The following ATN1 variants were observed in gnomAD, a reference collection of about 807,000 sequenced individuals.
ATN1 encodes the protein atrophin-1.
Under a neutral mutation model 85.8 loss-of-function variants are expected in ATN1, and 19 were observed. The ratio of observed to expected loss-of-function variants is 0.22; its 90% CI spans 0.15 to 0.32. The LOEUF (loss-of-function observed/expected upper bound fraction) is 0.32, where lower values mean the gene tolerates loss of function less well. Among genes scored for constraint, ATN1 ranks in the 10% least tolerant of loss-of-function variants. The probability of loss-of-function intolerance (pLI) is 1.00; values close to 1 mark genes in which losing one functional copy is unlikely to be tolerated. For synonymous variants in ATN1, 674 were observed against 657.0 expected (o/e 1.03, Z -0.39); for missense variants, 1,453 against 1,564.5 (o/e 0.93, Z 1.20).
At position 6,933,988 on chromosome 12, in the gene ATN1, C is replaced by T; in HGVS notation, c.-14C>T. 1 of 1,601,398 alleles carries T rather than the reference C, an allele frequency of 6.2e-7. No individual in the cohort carries two copies. Among genetic ancestry groups the T allele is most frequent in the Non-Finnish European group, 8.5e-7 (1 of 1,174,034 alleles). On this transcript the variant is annotated 5_prime_UTR_variant, in exon 2 of 10. Coordinates refer to ENST00000396684, the MANE Select transcript of ATN1 (RefSeq NM_001940.4). Reference sequence around the variant, plus strand: ...GCCCAGGCAGAGGAGAATGGGGTCTCCACAGCCTGAAGAATGAAGACACGA... The same window carrying T: ...GCCCAGGCAGAGGAGAATGGGGTCTTCACAGCCTGAAGAATGAAGACACGA...
rs1945421514 is a variant in ATN1, at chr12:6,928,298, G to A, written c.-249G>A. 6.7e-6 allele frequency: 1 copy of A among 149,554 alleles called. No individual in the cohort carries two copies. Among genetic ancestry groups the A allele is most frequent in the Non-Finnish European group, 1.5e-5 (1 of 66,882 alleles). The allele number at this position is 149,554 out of a possible 1,614,324, so 9.3% of individuals were successfully genotyped here. ...CTGAGGCCGAGAAGAGGAGAGGGGGGCGGGGGAGCTGCCGCCGCCGCCCCC... is the reference window on the plus strand; with the variant it reads ...CTGAGGCCGAGAAGAGGAGAGGGGGACGGGGGAGCTGCCGCCGCCGCCCCC... On this transcript the variant is annotated 5_prime_UTR_variant, in exon 1 of 10. Coordinates refer to ENST00000396684, the MANE Select transcript of ATN1 (RefSeq NM_001940.4).
upstream of ATN1, among the ~76,000 whole-genome samples, chr12:6,926,819 G>A (rs782094107): frequency 2.0e-5 from 3 of 151,722 alleles, no homozygotes; most frequent in Non-Finnish European, 4.4e-5. Flanking sequence ...CCATACTGCC[G>A]CCAGCCATAG....
chr12:6,935,866 C>T lies in ATN1; in HGVS notation c.599C>T (p.Pro200Leu). 1 of 1,613,834 alleles carries T rather than the reference C, an allele frequency of 6.2e-7. No homozygotes were observed. Among genetic ancestry groups the T allele is most frequent in the Non-Finnish European group, 8.5e-7 (1 of 1,179,792 alleles). The change falls in exon 5 of 10, where the codon CCC (proline) becomes CTC (leucine). Residue 200 changes from proline to leucine, a missense_variant. This residue lies in a region of ATN1 where 990 missense variants were observed against 914.8 expected (regional missense o/e 1.08). Transcript: ENST00000396684. This position sits in a 1 kb window ranked among gnomAD's most constrained non-coding sequence, Gnocchi z 5.3. ...TPTGYHAPME[P>L]PTSRMFQAPP... is the part of the protein sequence containing the mutation. ...ACTGGATATCATGCTCCCATGGAGC[C>T]CCCCACATCTCGAATGTTCCAGGCT...
At position 6,938,924 on chromosome 12, in the gene ATN1, C is replaced by A; in HGVS notation, c.2961C>A (p.His987Gln). The change falls in exon 7 of 10, where the codon CAC becomes CAA. Residue 987 changes from histidine to glutamine, a missense_variant. Transcript: ENST00000396684. ...TGCAGCCTGGCCCACCTGGCCTGCA[C>A]CCTTTCCCCTTTCATCCGAGCCTGG... ...LALQPGPPGLHPFPFHPSLGP... is the reference protein window; with the variant it reads ...LALQPGPPGLQPFPFHPSLGP... The A allele has an allele frequency of 6.2e-7, 1 of 1,614,046 alleles. No homozygotes were observed. Among genetic ancestry groups the A allele is most frequent in the Non-Finnish European group, 8.5e-7 (1 of 1,180,024 alleles).
Position 6,941,320 on chromosome 12 carries a change from G to T in ATN1, c.3359-54G>T. 6.5e-7 allele frequency: 1 copy of T among 1,535,634 alleles called. No individual in the cohort carries two copies. Reference sequence around the variant, plus strand: ...AAGGAGCTGGCTATCCCCTGGTCCAGAGCAGGTACTTGTTATCCGTTGGTC... The same window carrying T: ...AAGGAGCTGGCTATCCCCTGGTCCATAGCAGGTACTTGTTATCCGTTGGTC... On this transcript the variant is annotated intron_variant, in intron 8 of 9. Coordinates refer to ENST00000396684, the MANE Select transcript of ATN1 (RefSeq NM_001940.4). The surrounding 1 kb of genome is among the most constrained non-coding windows in gnomAD (Gnocchi z 5.9).
rs1036702397 is a variant in ATN1 at position 6,934,863 on chromosome 12, C to T, written c.279+285C>T. On this transcript the variant is annotated intron_variant, in intron 4 of 9. Transcript: ENST00000396684. The surrounding 1 kb of genome is among the most constrained non-coding windows in gnomAD (Gnocchi z 4.5). Reference sequence around the variant, plus strand: ...GAACAAATAAATCTTAAGGAAAATGCAGAAGTGGTCTTTCTTTTTTATTGT... The same window carrying T: ...GAACAAATAAATCTTAAGGAAAATGTAGAAGTGGTCTTTCTTTTTTATTGT... 2.0e-5 allele frequency among the ~76,000 whole-genome samples: 3 copies of T among 152,108 alleles called. No homozygotes were observed. Among genetic ancestry groups the T allele is most frequent in the African/African-American group, 4.8e-5 (2 of 41,428 alleles).
At chr12:6,928,658 T>G (rs1945427130) in intron 1 of ATN1, among the ~76,000 whole-genome samples, 2 of 151,904 alleles carry the variant, frequency 1.3e-5, no homozygotes, top group Non-Finnish European at 2.9e-5. Context: ...AGGAGGCCTG[T>G]GGGGCCAGAG....
upstream of ATN1, among the ~76,000 whole-genome samples, chr12:6,925,841 A>G (rs782768225): frequency 1.3e-5 from 2 of 152,364 alleles, no homozygotes; most frequent in East Asian, 3.9e-4. Flanking sequence ...CTTAGCCTCC[A>G]GCAAGACTGG....
Position 6,936,511 on chromosome 12 carries a change from C to T in ATN1, c.1244C>T (p.Pro415Leu), listed in dbSNP as rs782540175. Residue 415 changes from proline to leucine, a missense_variant, in exon 5 of 10, where the codon CCA becomes CTA. This residue lies in a region of ATN1 where 990 missense variants were observed against 914.8 expected (regional missense o/e 1.08). Coordinates refer to ENST00000396684, the MANE Select transcript of ATN1 (RefSeq NM_001940.4). Reference sequence around the variant, plus strand: ...AGCTACCCCCACTCTTTCCCTCCCCCAACAAGCCTCTCTGTCTCCAATCAG... The same window carrying T: ...AGCTACCCCCACTCTTTCCCTCCCCTAACAAGCCTCTCTGTCTCCAATCAG... Reference protein sequence around the residue: ...LPSYPHSFPPPTSLSVSNQPP... With the variant: ...LPSYPHSFPPLTSLSVSNQPP... 1.2e-5 allele frequency: 19 copies of T among 1,604,704 alleles called. No homozygotes were observed. In the South Asian group the frequency reaches 1.5e-4, roughly 13 times the overall value.
At chr12:6,932,397 G>A (rs932268971) in intron 1 of ATN1, among the ~76,000 whole-genome samples, 7 of 152,182 alleles carry the variant, frequency 4.6e-5, no homozygotes, top group South Asian at 4.1e-4. Flanking sequence ...ATCACAAGAA[G>A]AGCGCACACA....
upstream of ATN1, among the ~76,000 whole-genome samples, chr12:6,925,664 C>T (rs1555142522): frequency 6.6e-6 from 1 of 152,180 alleles, no homozygotes; most frequent in Non-Finnish European, 1.5e-5. Flanking sequence ...TGTTCCTGCG[C>T]CCAGTTCCCC....
rs782184311 is a variant in ATN1, at chr12:6,941,480, G to A, written c.3465G>A (p.Leu1155=). The A allele has an allele frequency of 3.6e-5, 58 of 1,612,854 alleles. No homozygotes were observed. The highest frequency in any genetic ancestry group is 4.7e-5 in the Non-Finnish European group (55 of 1,179,966). Residue 1155 remains leucine, a synonymous_variant, in exon 9 of 10, where the codon CTG becomes CTA. Coordinates refer to ENST00000396684, the MANE Select transcript of ATN1 (RefSeq NM_001940.4). The surrounding 1 kb of genome is among the most constrained non-coding windows in gnomAD (Gnocchi z 5.9). ...AQSAELQRLA[L]EQQQWLHAHH... ...CAGCTGAGCTGCAGCGCTTGGCGCT[G>A]GAACAGCAGCAGTGGCTGCATGCCC...
upstream of ATN1, among the ~76,000 whole-genome samples, chr12:6,925,117 C>CGTGTGTGTGTGTGTGTGTGTGT (rs376981297): frequency 6.3e-5 from 9 of 143,818 alleles, no homozygotes; most frequent in African/African-American, 2.4e-4. Context: ...TGTGCGTGTG[C>CGTGTGTGTGTGTGTGTGTGTGT]GTGTGTGTGT....
intron 1 of ATN1, among the ~76,000 whole-genome samples, chr12:6,929,108 G>A (rs1945432163): frequency 6.6e-6 from 1 of 152,150 alleles, no homozygotes; most frequent in Admixed American, 6.5e-5. Flanking sequence ...TCTTGGAGAG[G>A]GCACTGGGGC....
At chr12:6,939,858 C>T (rs1555144428) in intron 7 of ATN1, among the ~76,000 whole-genome samples, 1 of 152,168 alleles carries the variant, frequency 6.6e-6, no homozygotes, top group African/African-American at 2.4e-5. Flanking sequence ...CCATTTTCTC[C>T]TCTTCTCCCT....
In ATN1 at chr12:6,938,536, C is replaced by T; in HGVS notation, c.2573C>T (p.Pro858Leu). The change falls in exon 7 of 10, where the codon CCC becomes CTC. Residue 858 changes from proline to leucine, a missense_variant. Pro to Leu is a moderately conservative substitution (Grantham distance 98). Transcript: ENST00000396684. ...PVECPSLGPVPHRPPFEPGSA... is the reference protein window; with the variant it reads ...PVECPSLGPVLHRPPFEPGSA... ...GAATGCCCATCTCTGGGCCCAGTGC[C>T]CCATCGCCCTCCATTTGAACCGGGC... 1 of 1,614,108 alleles carries T rather than the reference C, an allele frequency of 6.2e-7. No individual in the cohort carries two copies. The highest frequency in any genetic ancestry group is 1.1e-5 in the South Asian group (1 of 91,078).
At position 6,934,219 on chromosome 12, in the gene ATN1, G is replaced by T. The variant is rs782609637; in HGVS notation, c.71G>T (p.Arg24Leu). Residue 24 changes from arginine to leucine, a missense_variant, in exon 3 of 10, where the codon CGG (arginine) becomes CTG (leucine). Around this residue, in one of 6 missense-constraint regions of ATN1, gnomAD observed 130 missense variants for 158.2 expected, o/e 0.82. Transcript: ENST00000396684. The surrounding 1 kb of genome is among the most constrained non-coding windows in gnomAD (Gnocchi z 4.5). The stretch of plus-strand genomic sequence containing the variant: ...CGGAAGAAAGAGGCCCCTGGGCCCC[G>T]GGAAGAACTGAGATCGAGGGGCCGG... The part of the protein sequence containing the change: ...SGRKKEAPGP[R>L]EELRSRGRAS... The T allele has an allele frequency of 1.9e-6, 3 of 1,593,848 alleles. No individual in the cohort carries two copies. The highest frequency in any genetic ancestry group is 2.3e-5 in the South Asian group (2 of 87,802).
Position 6,937,132 on chromosome 12 carries a change from C to T in ATN1, c.1865C>T (p.Ala622Val). The change falls in exon 5 of 10, where the codon GCT becomes GTT. Residue 622 changes from alanine (A) to valine (V), a missense_variant. Physicochemically the swap from Ala to Val is moderately conservative, Grantham distance 64. Coordinates refer to ENST00000396684, the MANE Select transcript of ATN1 (RefSeq NM_001940.4). The surrounding 1 kb of genome is among the most constrained non-coding windows in gnomAD (Gnocchi z 6.0). ...ATLSTVIATV[A>V]SSPAGYKTAS... ...CTTTCCACGGTCATTGCCACCGTGGCTTCCTCGCCAGCAGGCTACAAAACG... is the reference window on the plus strand; with the variant it reads ...CTTTCCACGGTCATTGCCACCGTGGTTTCCTCGCCAGCAGGCTACAAAACG... The T allele has an allele frequency of 2.5e-6, 4 of 1,611,616 alleles. No individual in the cohort carries two copies. Among genetic ancestry groups the T allele is most frequent in the Non-Finnish European group, 3.4e-6 (4 of 1,180,026 alleles).
rs1555143546 is a variant in ATN1 at position 6,936,027 on chromosome 12, C to T, written c.760C>T (p.Pro254Ser). 6.3e-7 allele frequency: 1 copy of T among 1,580,924 alleles called. No individual in the cohort carries two copies. Among genetic ancestry groups the T allele is most frequent in the Non-Finnish European group, 8.6e-7 (1 of 1,163,796 alleles). Residue 254 changes from proline (P) to serine (S), a missense_variant, in exon 5 of 10, where the codon CCC becomes TCC. Pro to Ser is a moderately conservative substitution (Grantham distance 74). Around this residue, in one of 6 missense-constraint regions of ATN1, gnomAD observed 990 missense variants for 914.8 expected, o/e 1.08. Transcript: ENST00000396684. ...VGGPNGGKQH[P>S]PPTTPISVSS... ...GGGCCCTAATGGGGGTAAGCAGCAC[C>T]CCCCACCCACTACTCCCATTTCAGT...
Sources: allele counts gnomAD v4.1 joint callset (sites outside exome capture counted in the v4.1 genomes callset), GRCh38; gene constraint gnomAD v4.1.1; regional missense constraint gnomAD v4.1.1; non-coding constraint Gnocchi (gnomAD v3.1); transcripts MANE v1.5; gene names NCBI Gene and HGNC (gene_info 2026-07-23, HGNC 2026-07-21).